The following COLEC10 variants were observed in gnomAD, a reference collection of about 807,000 sequenced individuals.
The protein encoded by COLEC10 is collectin subfamily member 10, also known as collectin-10.
A neutral mutation model predicts 28.4 loss-of-function variants in COLEC10; 22 were observed. The observed-to-expected ratio is 0.78, with a 90% CI of 0.55 to 1.11. The LOEUF (loss-of-function observed/expected upper bound fraction) is 1.11. COLEC10 is among the 50% of genes least tolerant of loss of function. COLEC10 has a pLI of 0.00. For missense variants in COLEC10, 361 were observed against 344.1 expected, an observed-to-expected ratio of 1.05 and a Z score of -0.39; for synonymous variants, 125 against 116.1, an observed-to-expected ratio of 1.08 and a Z score of -0.49.
rs757476980 is a variant in COLEC10, at chr8:119,061,442, GAA to G, written n.236-28226_236-28225del. Among the ~76,000 whole-genome samples, 7 of 74,720 alleles carry G rather than the reference GAA, an allele frequency of 9.4e-5. No homozygotes were observed. The South Asian group carries it at 1.9e-3, about 20-fold the overall frequency. 49.0% of individuals were successfully genotyped at this position (74,720 alleles called of 152,430 possible). A position where few individuals can be genotyped will look rare whatever the true frequency, so the allele number is the denominator to read the frequency against. ...TTGAAATTTCAGAATAGCTGGTATTGAAAAAAAAAAAAACTCTTAAAAGCTTC... is the reference window on the plus strand; with the variant it reads ...TTGAAATTTCAGAATAGCTGGTATTGAAAAAAAAAAACTCTTAAAAGCTTC... On this transcript the variant is annotated intron_variant and non_coding_transcript_variant, in intron 2 of 6. Coordinates refer to the COLEC10 transcript ENST00000521788.
the COLEC10 span, among the ~76,000 whole-genome samples, chr8:118,969,468 G>T: frequency 6.3e-3 from 955 of 152,106 alleles, 11 homozygotes; most frequent in Non-Finnish European, 9.0e-3. Flanking sequence ...AATTTATTCA[G>T]TTGCTAACAT....
chr8:119,024,580 A>ATG (rs1491511584), intron 2 of COLEC10, among the ~76,000 whole-genome samples: 2 of 22,160 alleles, frequency 9.0e-5, no homozygotes, highest in Non-Finnish European at 1.4e-4. Context: ...ATGCACACAT[A>ATG]CACACACACA....
the COLEC10 span, among the ~76,000 whole-genome samples, chr8:118,964,247 G>T: frequency 6.6e-6 from 1 of 152,120 alleles, no homozygotes; most frequent in Non-Finnish European, 1.5e-5. Flanking sequence ...CACAATGTCT[G>T]ACACTTGTAT....
chr8:118,989,365 C>T, the COLEC10 span, among the ~76,000 whole-genome samples: 5 of 151,930 alleles, frequency 3.3e-5, no homozygotes, highest in Non-Finnish European at 1.5e-5. Flanking sequence ...GTGACAATAT[C>T]AAAAGGTGTA....
intron 2 of COLEC10, among the ~76,000 whole-genome samples, chr8:119,021,919 G>A (rs563462647): frequency 2.0e-5 from 3 of 152,228 alleles, no homozygotes; most frequent in South Asian, 4.1e-4. Context: ...GTAAGTGAAT[G>A]TATATGAAAC....
chr8:119,070,471 CTCT>C (rs1815086322), intron 1 of COLEC10, among the ~76,000 whole-genome samples: 1 of 133,944 alleles, frequency 7.5e-6, no homozygotes. Context: ...CTCTCTCTCT[CTCT>C]CTCCTTCCCC....
chr8:119,037,416 T>C (rs1814409168), intron 2 of COLEC10, among the ~76,000 whole-genome samples: 1 of 152,186 alleles, frequency 6.6e-6, no homozygotes, highest in Non-Finnish European at 1.5e-5. Context: ...TTGATATTTT[T>C]TTTTTCCTGT....
chr8:118,968,197 T>C, the COLEC10 span, among the ~76,000 whole-genome samples: 1 of 152,016 alleles, frequency 6.6e-6, no homozygotes, highest in Non-Finnish European at 1.5e-5. Flanking sequence ...TGATGGTTTT[T>C]AGTCTGGGCC....
At chr8:118,961,101 C>T in the COLEC10 span, among the ~76,000 whole-genome samples, 1 of 152,102 alleles carries the variant, frequency 6.6e-6, no homozygotes, top group African/African-American at 2.4e-5. Flanking sequence ...TTATTTGATC[C>T]TTTAATTATT....
intron 2 of COLEC10, among the ~76,000 whole-genome samples, chr8:119,025,852 C>T (rs1405324562): frequency 6.6e-6 from 1 of 152,140 alleles, no homozygotes; most frequent in East Asian, 1.9e-4. Context: ...TTATTGATGG[C>T]ATAATTTACA....
At chr8:118,984,985 C>A in the COLEC10 span, among the ~76,000 whole-genome samples, 85 of 152,096 alleles carry the variant, frequency 5.6e-4, no homozygotes, top group Non-Finnish European at 8.2e-4. Context: ...AGCACGGGAA[C>A]GACCCACCCT....
At chr8:118,975,378 T>C in the COLEC10 span, among the ~76,000 whole-genome samples, 1 of 152,210 alleles carries the variant, frequency 6.6e-6, no homozygotes, top group East Asian at 1.9e-4. Flanking sequence ...TGCTATGTTA[T>C]CTTACGGACA....
At chr8:119,073,293 A>C (rs1351165990) in intron 1 of COLEC10, among the ~76,000 whole-genome samples, 2 of 152,188 alleles carry the variant, frequency 1.3e-5, no homozygotes, top group African/African-American at 2.4e-5. Flanking sequence ...TTTCTCATTA[A>C]GCATAAAATG....
chr8:119,081,116 A>G (rs536240477), intron 1 of COLEC10, among the ~76,000 whole-genome samples: 5 of 152,238 alleles, frequency 3.3e-5, no homozygotes, highest in African/African-American at 1.2e-4. Flanking sequence ...TAGGTTGCCT[A>G]AGGCAAATTA....
chr8:119,056,850 A>T (rs927194881), intron 2 of COLEC10, among the ~76,000 whole-genome samples: 3 of 151,992 alleles, frequency 2.0e-5, no homozygotes, highest in Admixed American at 2.0e-4. Flanking sequence ...GCCCTTCAGG[A>T]TCTAGTCCTT....
intron 1 of COLEC10, among the ~76,000 whole-genome samples, chr8:118,997,305 AGTTTGAT>A (rs140170854): frequency 0.015 from 2,336 of 152,218 alleles, 74 homozygotes; most frequent in African/African-American, 0.053. Flanking sequence ...GAGGCTGTTT[AGTTTGAT>A]GTGGTTCCAC....
intron 2 of COLEC10, among the ~76,000 whole-genome samples, chr8:119,036,817 A>G (rs1373849450): frequency 6.6e-6 from 1 of 152,194 alleles, no homozygotes; most frequent in East Asian, 1.9e-4. Context: ...GAGCTAGAAA[A>G]TAGTAACTGA....
chr8:119,041,852 C>T (rs1338955308), intron 2 of COLEC10, among the ~76,000 whole-genome samples: 2 of 152,030 alleles, frequency 1.3e-5, no homozygotes, highest in African/African-American at 2.4e-5. Flanking sequence ...GCATGTCAAT[C>T]TAGAGTGGTG....
At chr8:119,022,926 GGCTCAGTC>G (rs1814124222) in intron 2 of COLEC10, among the ~76,000 whole-genome samples, 1 of 151,978 alleles carries the variant, frequency 6.6e-6, no homozygotes, top group Non-Finnish European at 1.5e-5. Flanking sequence ...GTCTTTCTGT[GGCTCAGTC>G]TGAGCTCCTT....
Sources: allele counts gnomAD v4.1 joint callset (sites outside exome capture counted in the v4.1 genomes callset), GRCh38; gene constraint gnomAD v4.1.1; transcripts MANE v1.5; gene names NCBI Gene and HGNC (gene_info 2026-07-23, HGNC 2026-07-21).